TRIT1: variants seen among roughly 807,000 people sequenced by gnomAD.
TRIT1 encodes tRNA isopentenyltransferase 1.
TRIT1 carries 43 observed loss-of-function variants against 51.2 expected under a neutral mutation model. The observed-to-expected ratio is 0.84, with a 90% CI of 0.66 to 1.08. TRIT1 has a LOEUF of 1.08. Among genes scored for constraint, TRIT1 ranks in the 50% least tolerant of loss-of-function variants. The pLI is 0.00. For synonymous variants in TRIT1, 184 were observed against 203.9 expected (o/e 0.90, Z 0.83); for missense variants, 528 against 578.4 (o/e 0.91, Z 0.89).
intron 2 of TRIT1, among the ~76,000 whole-genome samples, chr1:39,856,547 A>G (rs940721131): frequency 1.3e-5 from 2 of 151,542 alleles, no homozygotes; most frequent in Non-Finnish European, 1.5e-5. Flanking sequence ...TGGGTTTTCT[A>G]TTCTGTGCCA....
chr1:39,868,855 T>C (rs1330461718), intron 1 of TRIT1, among the ~76,000 whole-genome samples: 5 of 150,854 alleles, frequency 3.3e-5, no homozygotes, highest in African/African-American at 1.2e-4. Context: ...AGGTCAGGAG[T>C]TCTAGACCAT....
chr1:39,858,152 A>G lies in TRIT1; in HGVS notation c.175-735T>C, dbSNP rs533379272. On this transcript the variant is annotated intron_variant, in intron 1 of 10. Coordinates refer to ENST00000316891, the MANE Select transcript of TRIT1 (RefSeq NM_017646.6). ...AATACCAGTTTGAAAATAGGGATGA[A>G]TACTTTGAGATTAAATGTTCTCTGT... 8.5e-5 allele frequency among the ~76,000 whole-genome samples: 13 copies of G among 152,352 alleles called. No homozygotes were observed. In the South Asian group the frequency reaches 2.7e-3, roughly 32 times the overall value.
intron 1 of TRIT1, among the ~76,000 whole-genome samples, chr1:39,870,618 A>G (rs949018130): frequency 2.5e-5 from 2 of 81,186 alleles, no homozygotes; most frequent in African/African-American, 5.1e-5. Flanking sequence ...AAATTAAAAG[A>G]AAAAAAAAAA....
At chr1:39,876,693 G>A (rs1232180626) in intron 1 of TRIT1, among the ~76,000 whole-genome samples, 1 of 151,896 alleles carries the variant, frequency 6.6e-6, no homozygotes, top group Admixed American at 6.6e-5. Context: ...TTGAGAGGCC[G>A]AGGCTGGCGG....
At chr1:39,843,822 A>G (rs1343478378) in intron 10 of TRIT1, among the ~76,000 whole-genome samples, 1 of 152,188 alleles carries the variant, frequency 6.6e-6, no homozygotes, top group African/African-American at 2.4e-5. Context: ...CCAGGACCAC[A>G]AAGTCAAAGG....
chr1:39,857,977 GATCT>G (rs993821921), intron 1 of TRIT1, among the ~76,000 whole-genome samples: 6 of 152,196 alleles, frequency 3.9e-5, no homozygotes, highest in Non-Finnish European at 8.8e-5. Flanking sequence ...GAAACATTGT[GATCT>G]ATCAAAATTA....
intron 1 of TRIT1, among the ~76,000 whole-genome samples, chr1:39,866,599 A>T (rs911254733): frequency 3.3e-5 from 5 of 152,154 alleles, no homozygotes; most frequent in Admixed American, 1.3e-4. Context: ...CAGGAACATC[A>T]AGGCAATTAC....
chr1:39,882,746 C>T (rs967684932), intron 1 of TRIT1, among the ~76,000 whole-genome samples: 4 of 152,238 alleles, frequency 2.6e-5, no homozygotes, highest in Non-Finnish European at 5.9e-5. Flanking sequence ...ATTTTCCTCA[C>T]TTCACAGATA....
At chr1:39,854,435 C>T (rs1642773648) in intron 2 of TRIT1, among the ~76,000 whole-genome samples, 1 of 152,212 alleles carries the variant, frequency 6.6e-6, no homozygotes, top group Non-Finnish European at 1.5e-5. Context: ...AGGTGACATC[C>T]ATTGCATGAC....
intron 9 of TRIT1, 90 bp from the exon 10 acceptor site, chr1:39,844,308 CT>C: frequency 8.4e-7 from 1 of 1,188,576 alleles, no homozygotes; most frequent in Non-Finnish European, 1.2e-6. Context: ...CCTAAAATTC[CT>C]TTTTCTCAAC....
intron 1 of TRIT1, among the ~76,000 whole-genome samples, chr1:39,860,474 G>A (rs937610257): frequency 2.6e-5 from 4 of 152,092 alleles, no homozygotes; most frequent in African/African-American, 9.7e-5. Flanking sequence ...TTCAGATTTG[G>A]GATGCTCAAT....
At chr1:39,858,621 T>C (rs16826625) in intron 1 of TRIT1, among the ~76,000 whole-genome samples, 10,303 of 152,240 alleles carry the variant, frequency 0.068, 863 homozygotes, top group African/African-American at 0.19. Context: ...AATTTTAGTG[T>C]TACTGTTTAA....
intron 1 of TRIT1, among the ~76,000 whole-genome samples, chr1:39,872,472 G>A (rs1025357680): frequency 6.6e-6 from 1 of 152,008 alleles, no homozygotes; most frequent in African/African-American, 2.4e-5. Flanking sequence ...TGAAACTACA[G>A]GTTACACAAA....
At chr1:39,878,944 C>T (rs1182539425) in intron 1 of TRIT1, among the ~76,000 whole-genome samples, 1 of 152,142 alleles carries the variant, frequency 6.6e-6, no homozygotes, top group Non-Finnish European at 1.5e-5. Context: ...CAAAATGTTG[C>T]ACACTCCTAA....
intron 1 of TRIT1, among the ~76,000 whole-genome samples, chr1:39,877,328 T>TAAAAAAA (rs57539376): frequency 1.1e-4 from 12 of 113,036 alleles, no homozygotes; most frequent in Admixed American, 1.9e-4. Context: ...GTGCTTCTAT[T>TAAAAAAA]AAAAAAAAAA....
chr1:39,877,227 T>C (rs1644098898), intron 1 of TRIT1, among the ~76,000 whole-genome samples: 1 of 148,960 alleles, frequency 6.7e-6, no homozygotes, highest in African/African-American at 2.5e-5. Flanking sequence ...CCAGGTGGGG[T>C]AGCTCATGCC....
chr1:39,878,479 G>A (rs993423200), intron 1 of TRIT1, among the ~76,000 whole-genome samples: 5 of 152,210 alleles, frequency 3.3e-5, no homozygotes, highest in Non-Finnish European at 5.9e-5. Flanking sequence ...GACAAAAGCA[G>A]TATGAAGTAC....
At chr1:39,864,139 G>A (rs1362594153) in intron 1 of TRIT1, among the ~76,000 whole-genome samples, 1 of 151,968 alleles carries the variant, frequency 6.6e-6, no homozygotes, top group Non-Finnish European at 1.5e-5. Context: ...GCCAGCCTCG[G>A]TCTCCCAGAG....
chr1:39,840,518 T>C lies in TRIT1; in HGVS notation c.*1226A>G, dbSNP rs749312072. 8.5e-5 allele frequency among the ~76,000 whole-genome samples: 13 copies of C among 152,228 alleles called. No individual in the cohort carries two copies. The highest frequency in any genetic ancestry group is 1.5e-4 in the Non-Finnish European group (10 of 68,042). The stretch of plus-strand genomic sequence containing the variant: ...ACTGTCTTGCCTGGATTGGTGTTTG[T>C]GTACACATGCAATTATTTATAAGCT... On this transcript the variant is annotated 3_prime_UTR_variant, in exon 11 of 11. Coordinates refer to ENST00000316891, the MANE Select transcript of TRIT1 (RefSeq NM_017646.6).
Sources: allele counts gnomAD v4.1 joint callset (sites outside exome capture counted in the v4.1 genomes callset), GRCh38; gene constraint gnomAD v4.1.1; transcripts MANE v1.5; gene names NCBI Gene and HGNC (gene_info 2026-07-23, HGNC 2026-07-21).